The following RABGAP1 variants were observed in gnomAD, a reference collection of about 807,000 sequenced individuals.
RABGAP1 encodes the protein rab GTPase-activating protein 1.
A neutral mutation model predicts 137.6 loss-of-function variants in RABGAP1; 23 were observed. The ratio of observed to expected loss-of-function variants is 0.17; its 90% confidence interval spans 0.12 to 0.24. RABGAP1 has a LOEUF of 0.24. Ranked by LOEUF, RABGAP1 falls within the 10% of genes least tolerant of loss-of-function variation. RABGAP1 has a pLI of 1.00. For synonymous variants in RABGAP1, 451 were observed against 450.7 expected, an observed-to-expected ratio of 1.00 and a Z score of -0.01; for missense variants, 906 against 1,275.8, an observed-to-expected ratio of 0.71 and a Z score of 4.42.
At chr9:123,051,368 C>G (rs2033463158) in intron 13 of RABGAP1, among the ~76,000 whole-genome samples, 1 of 151,474 alleles carries the variant, frequency 6.6e-6, no homozygotes, top group South Asian at 2.1e-4. Context: ...CTGCCTCAGC[C>G]TTCTGAGTTG....
At chr9:123,055,862 A>G (rs575944223) in intron 13 of RABGAP1, among the ~76,000 whole-genome samples, 7 of 152,082 alleles carry the variant, frequency 4.6e-5, no homozygotes, top group African/African-American at 1.4e-4. Context: ...TTTATTTTAT[A>G]CTTATATAAC....
intron 12 of RABGAP1, among the ~76,000 whole-genome samples, chr9:123,018,609 A>G (rs1004458996): frequency 2.0e-5 from 3 of 152,250 alleles, no homozygotes; most frequent in Non-Finnish European, 4.4e-5. Flanking sequence ...TTAGCAGCAG[A>G]ACTATGTCTG....
chr9:122,972,484 G>A (rs1296144557), intron 2 of RABGAP1, among the ~76,000 whole-genome samples: 2 of 152,118 alleles, frequency 1.3e-5, no homozygotes, highest in Non-Finnish European at 2.9e-5. Flanking sequence ...TTCACAGCAT[G>A]GTAGTCTTAG....
chr9:123,050,639 A>G (rs942859807), intron 13 of RABGAP1, among the ~76,000 whole-genome samples: 2 of 152,196 alleles, frequency 1.3e-5, no homozygotes, highest in African/African-American at 4.8e-5. Flanking sequence ...ATCGATACCT[A>G]TTTCTATAAT....
At chr9:123,042,083 T>G (rs566346221) in intron 13 of RABGAP1, among the ~76,000 whole-genome samples, 1 of 152,316 alleles carries the variant, frequency 6.6e-6, no homozygotes, top group Non-Finnish European at 1.5e-5. Context: ...AAAGGTGTGC[T>G]TTGTTGCAAA....
intron 10 of RABGAP1, among the ~76,000 whole-genome samples, chr9:123,005,976 T>C (rs1341443220): frequency 6.6e-6 from 1 of 152,230 alleles, no homozygotes; most frequent in Non-Finnish European, 1.5e-5. Context: ...CCTCTGCCTT[T>C]TTAATGTATA....
At chr9:122,979,477 A>G (rs1835938401) in intron 2 of RABGAP1, among the ~76,000 whole-genome samples, 1 of 152,118 alleles carries the variant, frequency 6.6e-6, no homozygotes, top group African/African-American at 2.4e-5. Flanking sequence ...TTTAATTTTA[A>G]TTAAGTTCTC....
rs143593362 is a variant in RABGAP1 at position 122,986,414 on chromosome 9, T to C, written c.585T>C (p.Ile195=). Residue 195 remains isoleucine (I), a synonymous_variant, in exon 4 of 26, where the codon ATT becomes ATC. Transcript: ENST00000373647. ...CAGTGCCGAATGTGTCTGAAGGAATTGTGAGGTGAGACTGGTTTGTTGAAA... is the reference window on the plus strand; with the variant it reads ...CAGTGCCGAATGTGTCTGAAGGAATCGTGAGGTGAGACTGGTTTGTTGAAA... ...TLSVPNVSEG[I]VRLLDPQTNT... 2 of 1,613,790 alleles carry C rather than the reference T, an allele frequency of 1.2e-6. No homozygotes were observed. Among genetic ancestry groups the C allele is most frequent in the African/African-American group, 1.3e-5 (1 of 74,918 alleles).
At chr9:123,008,929 C>T (rs1449547091) in intron 10 of RABGAP1, among the ~76,000 whole-genome samples, 1 of 152,144 alleles carries the variant, frequency 6.6e-6, no homozygotes, top group African/African-American at 2.4e-5. Flanking sequence ...TGCATATCTC[C>T]TGGACACAAA....
At chr9:123,009,110 A>G (rs1358525366) in intron 10 of RABGAP1, among the ~76,000 whole-genome samples, 1 of 152,220 alleles carries the variant, frequency 6.6e-6, no homozygotes, top group Non-Finnish European at 1.5e-5. Context: ...GTTTTTGTAA[A>G]TAAAGTTCTA....
chr9:122,981,971 C>A (rs1836085774), intron 2 of RABGAP1, among the ~76,000 whole-genome samples: 2 of 151,712 alleles, frequency 1.3e-5, no homozygotes, highest in South Asian at 4.2e-4. Context: ...ATTGCCTGAA[C>A]CTGGGAGGCA....
intron 1 of RABGAP1, among the ~76,000 whole-genome samples, chr9:122,948,462 A>G (rs563205785): frequency 5.9e-5 from 9 of 152,230 alleles, no homozygotes; most frequent in Non-Finnish European, 1.2e-4. Context: ...TGTCTGTCAT[A>G]TGAACTTAAT....
intron 13 of RABGAP1, among the ~76,000 whole-genome samples, chr9:123,044,638 TG>T (rs2033121593): frequency 6.6e-6 from 1 of 151,912 alleles, no homozygotes; most frequent in Non-Finnish European, 1.5e-5. Flanking sequence ...TGTGTGTGTG[TG>T]TGTGTGTGTG....
intron 19 of RABGAP1, among the ~76,000 whole-genome samples, chr9:123,084,205 T>C (rs1363466410): frequency 1.3e-5 from 2 of 152,250 alleles, no homozygotes; most frequent in East Asian, 3.8e-4. Context: ...ATAGTAGATA[T>C]GTAGGCATCT....
chr9:123,084,667 T>C (rs1022133459), intron 19 of RABGAP1, among the ~76,000 whole-genome samples: 1 of 152,226 alleles, frequency 6.6e-6, no homozygotes, highest in African/African-American at 2.4e-5. Flanking sequence ...TGTAGCTGTG[T>C]CTCTTGATTC....
In RABGAP1 at chr9:122,988,137, C is replaced by G. The variant is rs2416896; in HGVS notation, c.591-1160C>G. ...ATATGTTTCTTAGTCAATACTCATT[C>G]CTCTAACTGAAGTTAGACTTTAATA... On this transcript the variant is annotated intron_variant, in intron 4 of 25. Transcript: ENST00000373647. Among the ~76,000 whole-genome samples, 22 of 152,258 alleles carry G rather than the reference C, an allele frequency of 1.4e-4. No individual in the cohort carries two copies. In the South Asian group the frequency reaches 4.6e-3, roughly 32 times the overall value.
rs1834563967 is a variant in RABGAP1, at chr9:122,957,002, G to T, written c.-49-9G>T. On this transcript the variant is annotated splice_polypyrimidine_tract_variant and intron_variant, in intron 1 of 25. Coordinates refer to ENST00000373647, the MANE Select transcript of RABGAP1 (RefSeq NM_012197.4). ...CTATATGAGTATCTTTATGGTTTTT[G>T]TTTTTCAGGCATTAAAAAATATTTA... 1.5e-6 allele frequency: 2 copies of T among 1,344,454 alleles called. No individual in the cohort carries two copies. The highest frequency in any genetic ancestry group is 2.0e-6 in the Non-Finnish European group (2 of 1,016,984). 83.3% of individuals were successfully genotyped at this position (1,344,454 alleles called of 1,614,324 possible).
chr9:122,948,337 G>A (rs1210378190), intron 1 of RABGAP1, among the ~76,000 whole-genome samples: 1 of 152,098 alleles, frequency 6.6e-6, no homozygotes, highest in Non-Finnish European at 1.5e-5. Flanking sequence ...CATCGAGAGG[G>A]AGAGAGATGC....
At chr9:123,052,924 A>G (rs913744445) in intron 13 of RABGAP1, among the ~76,000 whole-genome samples, 2 of 152,234 alleles carry the variant, frequency 1.3e-5, no homozygotes, top group African/African-American at 4.8e-5. Context: ...TGGGCAACAG[A>G]GTGTGACTGT....
Sources: gnomAD v4.1 joint callset for allele counts (sites outside exome capture counted in the v4.1 genomes callset) on GRCh38, gnomAD v4.1.1 for gene constraint, MANE v1.5 for transcripts, NCBI Gene and HGNC (gene_info 2026-07-23, HGNC 2026-07-21) for gene names.